Variants in SLC36A4 observed in about 807,000 individuals in gnomAD.
The protein encoded by SLC36A4 is neutral amino acid uniporter 4.
A neutral mutation model predicts 50.5 loss-of-function variants in SLC36A4; 49 were observed. The ratio of observed to expected loss-of-function variants is 0.97; its 90% CI spans 0.77 to 1.23. The LOEUF is 1.23. Ranked by LOEUF, SLC36A4 falls within the 50% of genes most tolerant of loss-of-function variation. The probability of loss-of-function intolerance (pLI) is 0.00; values close to 1 mark genes in which losing one functional copy is unlikely to be tolerated. For synonymous variants in SLC36A4, 207 were observed against 206.5 expected (o/e 1.00, Z -0.02); for missense variants, 611 against 608.4 (o/e 1.00, Z -0.05).
At chr11:93,156,321 T>A (rs1860357889) in intron 9 of SLC36A4, among the ~76,000 whole-genome samples, 2 of 152,338 alleles carry the variant, frequency 1.3e-5, no homozygotes, top group South Asian at 2.1e-4. Flanking sequence ...TTTGCATTTC[T>A]CTAATGATCA....
chr11:93,171,878 T>G (rs1032378864), intron 6 of SLC36A4: 3 of 152,154 alleles, frequency 2.0e-5, no homozygotes, highest in African/African-American at 7.2e-5. Flanking sequence ...ATGGAAGGAC[T>G]GATGCTTTAT....
At chr11:93,171,966 C>G (rs1861160329) in intron 6 of SLC36A4, 1 of 152,140 alleles carries the variant, frequency 6.6e-6, no homozygotes, top group South Asian at 2.1e-4. Context: ...CTCTACATCT[C>G]CCATGGCTAC....
chr11:93,153,201 A>G (rs1482431952), intron 10 of SLC36A4, among the ~76,000 whole-genome samples: 2 of 152,098 alleles, frequency 1.3e-5, no homozygotes, highest in South Asian at 2.1e-4. Context: ...ATGTTTATTA[A>G]TATCTTACAC....
At position 93,197,925 on chromosome 11, in the gene SLC36A4, G is replaced by A. The variant is rs1862508450; in HGVS notation, c.-93C>T. 7 of 1,291,414 alleles carry A rather than the reference G, an allele frequency of 5.4e-6. No individual in the cohort carries two copies. In the South Asian group the frequency reaches 9.8e-5, roughly 18 times the overall value. The allele number at this position is 1,291,414 out of a possible 1,614,324, so 80.0% of individuals were successfully genotyped here. ...GGCCCAGGCCTACCTCCCCTGCCCG[G>A]AGGGACCCGCGCCTGGTGCCCGCCT... On this transcript the variant is annotated 5_prime_UTR_variant, in exon 1 of 11. Transcript: ENST00000326402.
In SLC36A4 at chr11:93,144,432, T is replaced by C. The variant is rs1445848161; in HGVS notation, c.*4105A>G. On this transcript the variant is annotated 3_prime_UTR_variant, in exon 11 of 11. Coordinates refer to ENST00000326402, the MANE Select transcript of SLC36A4 (RefSeq NM_152313.4). ...TTTTAGTGTTCTTTTCAAAACAGCA[T>C]CTTTCTGGACCCAATTTAAATAGTA... 1 of 152,032 alleles carries C rather than the reference T, an allele frequency of 6.6e-6. No homozygotes were observed. Among genetic ancestry groups the C allele is most frequent in the African/African-American group, 2.4e-5 (1 of 41,422 alleles). 9.4% of individuals were successfully genotyped at this position (152,032 alleles called of 1,614,324 possible).
chr11:93,190,153 A>G (rs1862153419), intron 1 of SLC36A4, among the ~76,000 whole-genome samples: 1 of 152,312 alleles, frequency 6.6e-6, no homozygotes, highest in Non-Finnish European at 1.5e-5. Flanking sequence ...AGAAAACATT[A>G]AACATGACTT....
At chr11:93,151,567 A>G (rs747818090) in intron 10 of SLC36A4, among the ~76,000 whole-genome samples, 1 of 152,086 alleles carries the variant, frequency 6.6e-6, no homozygotes, top group Non-Finnish European at 1.5e-5. Flanking sequence ...CTAAGACAGG[A>G]TATCAGGAAA....
chr11:93,151,646 C>T lies in SLC36A4; in HGVS notation c.1207+2462G>A, dbSNP rs1005782983. 6.6e-5 allele frequency among the ~76,000 whole-genome samples: 10 copies of T among 152,024 alleles called. 1 individual carries two copies. The highest frequency in any genetic ancestry group is 6.6e-4 in the Admixed American group (10 of 15,228). ...GAAGGATTTTAGTGGGTTTTCTCTA[C>T]AAACTACTAAAGATTTATAGGTTTT... On this transcript the variant is annotated intron_variant, in intron 10 of 10. Coordinates refer to ENST00000326402, the MANE Select transcript of SLC36A4 (RefSeq NM_152313.4).
At chr11:93,187,989 A>G (rs540351586) in intron 1 of SLC36A4, among the ~76,000 whole-genome samples, 48 of 152,300 alleles carry the variant, frequency 3.2e-4, no homozygotes, top group Non-Finnish European at 6.0e-4. Flanking sequence ...AACAGTTTAA[A>G]TTAGACTTTC....
chr11:93,160,415 T>C, intron 9 of SLC36A4: 1 of 985,436 alleles, frequency 1.0e-6, no homozygotes, highest in Non-Finnish European at 1.2e-6. Flanking sequence ...ATAGAAACTA[T>C]GATCTAATGG....
intron 1 of SLC36A4, among the ~76,000 whole-genome samples, chr11:93,186,270 C>T (rs1861979068): frequency 6.6e-6 from 1 of 152,136 alleles, no homozygotes; most frequent in South Asian, 2.1e-4. Context: ...CCCTTTACCA[C>T]TTTATCAGTG....
intron 6 of SLC36A4, among the ~76,000 whole-genome samples, chr11:93,176,604 G>T (rs1242846510): frequency 6.6e-6 from 1 of 151,938 alleles, no homozygotes; most frequent in African/African-American, 2.4e-5. Context: ...TCCTTTCCAT[G>T]TTTAGCGCTT....
rs900365339 is a variant in SLC36A4 at position 93,182,814 on chromosome 11, T to A, written c.351A>T (p.Leu117=). 1 of 1,607,696 alleles carries A rather than the reference T, an allele frequency of 6.2e-7. No homozygotes were observed. The highest frequency in any genetic ancestry group is 1.3e-5 in the African/African-American group (1 of 74,756). The part of the protein sequence containing the change: ...MHILVRCSHF[L]CLRFKKSTLG... ...AACAAATCCACATTTACCTCAGACA[T>A]AGAAAGTGACTGCAACGTACCAATA... The change falls in exon 4 of 11, where the codon CTA becomes CTT. Residue 117 remains leucine (L), a synonymous_variant. Transcript: ENST00000326402.
chr11:93,196,613 G>C (rs11020195), intron 1 of SLC36A4, among the ~76,000 whole-genome samples: 76,349 of 151,944 alleles, frequency 0.5, 19,913 homozygotes, highest in East Asian at 0.75. Flanking sequence ...TGATGATCCG[G>C]CCGCCTCAGC....
At chr11:93,177,299 C>G (rs1328624188) in intron 6 of SLC36A4, among the ~76,000 whole-genome samples, 2 of 152,202 alleles carry the variant, frequency 1.3e-5, no homozygotes, top group Non-Finnish European at 1.5e-5. Context: ...TCAGCTCCAT[C>G]AGGTCATTTA....
chr11:93,197,876 C>G lies in SLC36A4; in HGVS notation c.-44G>C, dbSNP rs750980212. 1 of 1,509,022 alleles carries G rather than the reference C, an allele frequency of 6.6e-7. No individual in the cohort carries two copies. Among genetic ancestry groups the G allele is most frequent in the Non-Finnish European group, 8.8e-7 (1 of 1,135,150 alleles). The allele number at this position is 1,509,022 out of a possible 1,614,324, so 93.5% of individuals were successfully genotyped here. A position where few individuals can be genotyped will look rare whatever the true frequency, so the allele number is the denominator to read the frequency against. ...ACGCCGCCGCCCGAGTGCTCACTCT[C>G]CCGCCGCTGCGTGGCCGGCGTCAGG... On this transcript the variant is annotated 5_prime_UTR_variant, in exon 1 of 11. Transcript: ENST00000326402.
intron 6 of SLC36A4, chr11:93,180,223 T>C (rs1043965080): frequency 1.0e-6 from 1 of 985,058 alleles, no homozygotes; most frequent in Admixed American, 6.1e-5. Context: ...GGAGGGATTT[T>C]TTATTTCATT....
chr11:93,162,554 C>CT, intron 9 of SLC36A4, 152 bp downstream of exon 9: 2 of 615,070 alleles, frequency 3.3e-6, no homozygotes, highest in Non-Finnish European at 5.4e-6. Flanking sequence ...GGTGATCCGC[C>CT]CACCTCTGCC....
intron 1 of SLC36A4, among the ~76,000 whole-genome samples, chr11:93,186,885 T>C (rs1398368822): frequency 1.3e-5 from 2 of 152,146 alleles, no homozygotes; most frequent in African/African-American, 2.4e-5. Flanking sequence ...CATCCCAAAG[T>C]TTCCCACTCA....
Sources: allele counts gnomAD v4.1 joint callset (sites outside exome capture counted in the v4.1 genomes callset), GRCh38; gene constraint gnomAD v4.1.1; transcripts MANE v1.5; gene names NCBI Gene and HGNC (gene_info 2026-07-23, HGNC 2026-07-21).